GASK1A: variants seen among roughly 807,000 people sequenced by gnomAD.
GASK1A encodes the protein Golgi-associated kinase 1A.
A neutral mutation model predicts 41.2 loss-of-function variants in GASK1A; 40 were observed. That is an observed-to-expected ratio of 0.97 (90% confidence interval 0.75 to 1.27). The LOEUF is 1.27. Among genes scored for constraint, GASK1A ranks in the 50% most tolerant of loss-of-function variants. The pLI, the probability that GASK1A is intolerant of heterozygous loss-of-function variation, is 0.00. For synonymous variants in GASK1A, 316 were observed against 307.1 expected (o/e 1.03, Z -0.30); for missense variants, 678 against 745.1 (o/e 0.91, Z 1.05).
At chr3:42,985,579 GT>G (rs2089304443) in intron 1 of GASK1A, among the ~76,000 whole-genome samples, 1 of 148,550 alleles carries the variant, frequency 6.7e-6, no homozygotes, top group East Asian at 1.9e-4. Context: ...GTGTGTGTGT[GT>G]GTGTGTGGGC....
intron 1 of GASK1A, among the ~76,000 whole-genome samples, chr3:43,006,937 C>G (rs1189222719): frequency 6.6e-6 from 1 of 151,794 alleles, no homozygotes; most frequent in Non-Finnish European, 1.5e-5. Flanking sequence ...CAAAGCTTTG[C>G]TCCACTCGAC....
intron 1 of GASK1A, among the ~76,000 whole-genome samples, chr3:43,019,946 A>G (rs2089513209): frequency 6.6e-6 from 1 of 152,182 alleles, no homozygotes; most frequent in Non-Finnish European, 1.5e-5. Flanking sequence ...CCCATTGCCC[A>G]TGGCAGTTTG....
At chr3:43,035,177 C>A (rs1367992442) in intron 2 of GASK1A, among the ~76,000 whole-genome samples, 1 of 152,172 alleles carries the variant, frequency 6.6e-6, no homozygotes, top group Non-Finnish European at 1.5e-5. Flanking sequence ...CTTTTCTCAC[C>A]CCAAAATGGG....
At chr3:42,983,745 G>T (rs1255227760) in intron 1 of GASK1A, among the ~76,000 whole-genome samples, 1 of 152,212 alleles carries the variant, frequency 6.6e-6, no homozygotes, top group Non-Finnish European at 1.5e-5. Context: ...TCTCTCTTCT[G>T]GGGTACAGCC....
chr3:42,995,484 T>C (rs903100177), intron 1 of GASK1A, among the ~76,000 whole-genome samples: 8 of 152,252 alleles, frequency 5.3e-5, no homozygotes, highest in Admixed American at 4.6e-4. Context: ...GGTTCAAATT[T>C]ATTTAAAACA....
intron 1 of GASK1A, among the ~76,000 whole-genome samples, chr3:43,021,827 G>C (rs1268766040): frequency 6.6e-6 from 1 of 152,316 alleles, no homozygotes; most frequent in East Asian, 1.9e-4. Context: ...TGTTTTCACT[G>C]CTCCTTCTCC....
chr3:43,021,716 G>T (rs77151139), intron 1 of GASK1A, among the ~76,000 whole-genome samples: 2,017 of 152,338 alleles, frequency 0.013, 49 homozygotes, highest in African/African-American at 0.045. Context: ...GGGCAGAGAG[G>T]TTGTGTGACT....
chr3:43,011,095 A>G (rs556735950), intron 1 of GASK1A, among the ~76,000 whole-genome samples: 2 of 152,306 alleles, frequency 1.3e-5, no homozygotes, highest in East Asian at 3.9e-4. Context: ...AGGCAGATTA[A>G]GAAATGGGCC....
At chr3:43,014,165 AGTGTGAAGTCACAGGAAGGGGCT>A (rs923338815) in intron 1 of GASK1A, among the ~76,000 whole-genome samples, 21 of 146,646 alleles carry the variant, frequency 1.4e-4, no homozygotes, top group African/African-American at 4.9e-4. Context: ...AGGAAGGCAC[AGTGTGAAGTCACAGGAAGGGGCT>A]GTGTGAAGTC....
chr3:43,021,914 T>G (rs1403525), intron 1 of GASK1A, among the ~76,000 whole-genome samples: 28,321 of 152,014 alleles, frequency 0.19, 2,796 homozygotes, highest in African/African-American at 0.2. Context: ...TGGTGAAGGG[T>G]TGAGAGGTAG....
intron 1 of GASK1A, among the ~76,000 whole-genome samples, chr3:42,991,367 T>C (rs749642079): frequency 4.6e-5 from 7 of 152,024 alleles, no homozygotes; most frequent in Non-Finnish European, 7.4e-5. Context: ...CACGCAGATA[T>C]ACACACACAC....
intron 1 of GASK1A, among the ~76,000 whole-genome samples, chr3:42,981,424 A>G (rs2089282369): frequency 6.6e-6 from 1 of 152,148 alleles, no homozygotes; most frequent in South Asian, 2.1e-4. Context: ...TAGATGAGAG[A>G]TTGGACTAGA....
intron 2 of GASK1A, among the ~76,000 whole-genome samples, chr3:43,051,582 C>T (rs2089688392): frequency 6.6e-6 from 1 of 152,084 alleles, no homozygotes; most frequent in Admixed American, 6.5e-5. Context: ...TTTTCACAGC[C>T]CCTTGGACAT....
chr3:43,000,587 T>A (rs2089403614), intron 1 of GASK1A, among the ~76,000 whole-genome samples: 1 of 152,218 alleles, frequency 6.6e-6, no homozygotes, highest in Non-Finnish European at 1.5e-5. Context: ...AGGCGAACAT[T>A]CCCTTGGCCG....
At chr3:43,053,944 G>A (rs1351707000) in intron 3 of GASK1A, 2 of 446,668 alleles carry the variant, frequency 4.5e-6, no homozygotes, top group Non-Finnish European at 8.4e-6. Context: ...TGGAAGTAGA[G>A]TTTGAGAATG....
intron 1 of GASK1A, among the ~76,000 whole-genome samples, chr3:42,996,603 G>A (rs1055303849): frequency 2.0e-5 from 3 of 152,178 alleles, no homozygotes; most frequent in Non-Finnish European, 4.4e-5. Context: ...AGAACACAGC[G>A]GATTTGAGAT....
At chr3:43,038,580 G>T (rs777227760) in intron 2 of GASK1A, among the ~76,000 whole-genome samples, 4 of 122,058 alleles carry the variant, frequency 3.3e-5, no homozygotes, top group Non-Finnish European at 5.0e-5. Flanking sequence ...GAAATTCTGC[G>T]AAAAAAAACT....
rs181600837 is a variant in GASK1A, at chr3:42,987,284, T to A, written c.3+7639T>A. Reference sequence around the variant, plus strand: ...GTTGGCTAAACATTTTGATTTTTTTTAGATAGGGTGGGCACACAAAGTGGA... The same window carrying A: ...GTTGGCTAAACATTTTGATTTTTTTAAGATAGGGTGGGCACACAAAGTGGA... On this transcript the variant is annotated intron_variant, in intron 1 of 4. Transcript: ENST00000430121. Among the ~76,000 whole-genome samples the A allele has an allele frequency of 5.4e-3, 816 of 152,336 alleles. 8 individuals carry two copies. Among genetic ancestry groups the A allele is most frequent in the Middle Eastern group, 0.017 (5 of 294 alleles).
At chr3:43,026,470 C>A (rs1180951565) in intron 1 of GASK1A, among the ~76,000 whole-genome samples, 1 of 152,144 alleles carries the variant, frequency 6.6e-6, no homozygotes, top group Non-Finnish European at 1.5e-5. Flanking sequence ...GAAAATATTA[C>A]CTGGAGACAG....
Sources: gnomAD v4.1 joint callset for allele counts (sites outside exome capture counted in the v4.1 genomes callset) on GRCh38, gnomAD v4.1.1 for gene constraint, MANE v1.5 for transcripts, NCBI Gene and HGNC (gene_info 2026-07-23, HGNC 2026-07-21) for gene names.